MEGF10: variants seen among roughly 807,000 people sequenced by gnomAD.
The protein encoded by MEGF10 is multiple EGF like domains 10.
MEGF10 carries 86 observed loss-of-function variants against 147.5 expected under a neutral mutation model. The ratio of observed to expected loss-of-function variants is 0.58; its 90% confidence interval spans 0.49 to 0.70. MEGF10 has a LOEUF of 0.70. Among genes scored for constraint, MEGF10 ranks in the 30% least tolerant of loss-of-function variants. The pLI is 0.00. For missense variants in MEGF10, 1,329 were observed against 1,487.3 expected, an observed-to-expected ratio of 0.89 and a Z score of 1.75; for synonymous variants, 478 against 525.5, an observed-to-expected ratio of 0.91 and a Z score of 1.24.
chr5:127,363,207 T>C (rs113947646), intron 4 of MEGF10, among the ~76,000 whole-genome samples: 376 of 152,300 alleles, frequency 2.5e-3, no homozygotes, highest in African/African-American at 8.6e-3. Context: ...TTATTTAATT[T>C]AGTAACTGAC....
chr5:127,434,644 C>A (rs750535895), intron 14 of MEGF10, 43 bp from the exon 15 acceptor site: 2 of 1,557,544 alleles, frequency 1.3e-6, no homozygotes, highest in South Asian at 1.2e-5. Flanking sequence ...GCGAGACAAA[C>A]GCATCTCAGA....
Position 127,408,000 on chromosome 5 carries a change from A to C in MEGF10, c.918-2389A>C, listed in dbSNP as rs371362214. On this transcript the variant is annotated intron_variant, in intron 8 of 24. Transcript: ENST00000503335. ...TAAATAATGGCTGCTTTAGTAAGTA[A>C]CATTCAAATAGGACTTTTTGTTTTA... Among the ~76,000 whole-genome samples, 6 of 152,376 alleles carry C rather than the reference A, an allele frequency of 3.9e-5. No individual in the cohort carries two copies. In the South Asian group the frequency reaches 8.3e-4, roughly 21 times the overall value.
the MEGF10 span, among the ~76,000 whole-genome samples, chr5:127,236,068 G>A: frequency 6.6e-6 from 1 of 152,200 alleles, no homozygotes; most frequent in African/African-American, 2.4e-5. Context: ...TGCCTCCAGG[G>A]TTCAAGTGAT....
intron 1 of MEGF10, 99 bp downstream of exon 1, chr5:127,291,155 A>G (rs1580667314): frequency 6.6e-6 from 1 of 152,228 alleles, no homozygotes; most frequent in African/African-American, 2.4e-5. Flanking sequence ...TAGCCAGGGT[A>G]CCGGGGTGCG....
chr5:127,347,431 G>A (rs192861391), intron 4 of MEGF10, among the ~76,000 whole-genome samples: 5 of 151,880 alleles, frequency 3.3e-5, no homozygotes, highest in South Asian at 2.1e-4. Context: ...TTATGTATTC[G>A]AGAGACTTCT....
At chr5:127,262,105 TA>T in the MEGF10 span, among the ~76,000 whole-genome samples, 15 of 152,332 alleles carry the variant, frequency 9.8e-5, no homozygotes, top group Non-Finnish European at 1.8e-4. Context: ...TGAGAGTTTT[TA>T]ATTTTGATGA....
intron 24 of MEGF10, 75 bp from the exon 25 acceptor site, chr5:127,457,053 A>AT (rs2127048873): frequency 7.1e-7 from 1 of 1,412,334 alleles, no homozygotes; most frequent in East Asian, 2.3e-5. Flanking sequence ...TGTGTTTGAC[A>AT]TTTGCAAGAA....
At chr5:127,332,597 A>G (rs1761307202) in intron 2 of MEGF10, among the ~76,000 whole-genome samples, 2 of 152,218 alleles carry the variant, frequency 1.3e-5, no homozygotes. Flanking sequence ...TTACCTGATT[A>G]GTCAATGGAG....
At chr5:127,267,430 G>A in the MEGF10 span, among the ~76,000 whole-genome samples, 541 of 152,256 alleles carry the variant, frequency 3.6e-3, 2 homozygotes, top group African/African-American at 0.012. Flanking sequence ...GATGATGCTG[G>A]CCTCATAAAA....
At chr5:127,333,519 TAA>T (rs1004127708) in intron 2 of MEGF10, among the ~76,000 whole-genome samples, 1 of 34,764 alleles carries the variant, frequency 2.9e-5, no homozygotes, top group Admixed American at 2.4e-4. Context: ...TCAAAAAAAA[TAA>T]AAATAAAAAT....
At chr5:127,343,393 C>T (rs1761757420) in intron 4 of MEGF10, among the ~76,000 whole-genome samples, 1 of 152,062 alleles carries the variant, frequency 6.6e-6, no homozygotes, top group African/African-American at 2.4e-5. Context: ...GCCCCACCCG[C>T]TCCTCCATGA....
At chr5:127,290,469 G>C (rs1044318360), upstream of MEGF10, among the ~76,000 whole-genome samples, 1 of 152,176 alleles carries the variant, frequency 6.6e-6, no homozygotes, top group African/African-American at 2.4e-5. Context: ...TGCACCCAAC[G>C]TGGGTTGGGA....
chr5:127,266,308 G>C, the MEGF10 span, among the ~76,000 whole-genome samples: 2 of 151,920 alleles, frequency 1.3e-5, no homozygotes, highest in African/African-American at 4.8e-5. Flanking sequence ...GTACCATGCT[G>C]TTTTGGTTAC....
intron 5 of MEGF10, among the ~76,000 whole-genome samples, chr5:127,395,991 G>C (rs546614057): frequency 6.6e-6 from 1 of 152,224 alleles, no homozygotes; most frequent in East Asian, 1.9e-4. Flanking sequence ...CATCTGGACT[G>C]TTGCCATTTT....
intron 23 of MEGF10, among the ~76,000 whole-genome samples, chr5:127,454,913 G>A (rs762203309): frequency 3.3e-5 from 5 of 152,028 alleles, no homozygotes; most frequent in African/African-American, 9.7e-5. Context: ...GGAAATAGCC[G>A]GGACAATAAG....
At chr5:127,263,150 AG>A in the MEGF10 span, among the ~76,000 whole-genome samples, 7 of 152,178 alleles carry the variant, frequency 4.6e-5, no homozygotes, top group Admixed American at 3.3e-4. Context: ...AGCTTTTAAA[AG>A]AAGGAAAGAA....
chr5:127,280,511 T>A, the MEGF10 span, among the ~76,000 whole-genome samples: 1 of 152,252 alleles, frequency 6.6e-6, no homozygotes, highest in Non-Finnish European at 1.5e-5. Flanking sequence ...CATCATCTGT[T>A]AACTGTGTTT....
At chr5:127,345,641 T>C (rs144489132) in intron 4 of MEGF10, among the ~76,000 whole-genome samples, 105 of 152,320 alleles carry the variant, frequency 6.9e-4, no homozygotes, top group Non-Finnish European at 1.2e-3. Context: ...AGATTAATAT[T>C]CTTGCCTGAT....
chr5:127,233,720 A>G, the MEGF10 span, among the ~76,000 whole-genome samples: 1 of 152,206 alleles, frequency 6.6e-6, no homozygotes, highest in South Asian at 2.1e-4. Flanking sequence ...AGGATGCTAG[A>G]AATTGGAGAT....
Sources: gnomAD v4.1 joint callset for allele counts (sites outside exome capture counted in the v4.1 genomes callset) on GRCh38, gnomAD v4.1.1 for gene constraint, MANE v1.5 for transcripts, NCBI Gene and HGNC (gene_info 2026-07-23, HGNC 2026-07-21) for gene names.